Variants in TCF4 observed in about 807,000 individuals in gnomAD.
TCF4 encodes transcription factor 4.
A neutral mutation model predicts 82.1 loss-of-function variants in TCF4; 3 were observed. That is an observed-to-expected ratio of 0.04 (90% confidence interval 0.02 to 0.09). The LOEUF (loss-of-function observed/expected upper bound fraction) is 0.09, where lower values mean the gene tolerates loss of function less well. Among genes scored for constraint, TCF4 ranks in the 10% least tolerant of loss-of-function variants. TCF4 has a pLI of 1.00. For synonymous variants in TCF4, 276 were observed against 309.6 expected, an observed-to-expected ratio of 0.89 and a Z score of 1.14; for missense variants, 518 against 852.7, an observed-to-expected ratio of 0.61 and a Z score of 4.89.
intron 8 of TCF4, among the ~76,000 whole-genome samples, chr18:55,290,626 C>T (rs1260659964): frequency 1.3e-5 from 2 of 152,106 alleles, no homozygotes; most frequent in Admixed American, 6.6e-5. Context: ...ACCCTAAAGG[C>T]GCTCTTCTTA....
chr18:55,334,067 G>GCCC (rs2078133251), intron 8 of TCF4, among the ~76,000 whole-genome samples: 1 of 151,978 alleles, frequency 6.6e-6, no homozygotes, highest in Admixed American at 6.6e-5. Flanking sequence ...ACACAGCAAT[G>GCCC]AACAAGGACT....
At chr18:55,500,999 A>G (rs1223915523) in intron 3 of TCF4, among the ~76,000 whole-genome samples, 1 of 152,238 alleles carries the variant, frequency 6.6e-6, no homozygotes, top group East Asian at 1.9e-4. Flanking sequence ...ATGTATAATG[A>G]TGATGATTAT....
chr18:55,549,959 T>C (rs2097245388), intron 3 of TCF4, among the ~76,000 whole-genome samples: 1 of 152,210 alleles, frequency 6.6e-6, no homozygotes, highest in Non-Finnish European at 1.5e-5. Context: ...CAATAAATCA[T>C]GCCCTTGCCT....
At chr18:55,365,922 C>T (rs540331699) in intron 6 of TCF4, among the ~76,000 whole-genome samples, 1 of 151,324 alleles carries the variant, frequency 6.6e-6, no homozygotes, top group African/African-American at 2.4e-5. Flanking sequence ...ACAACAACAA[C>T]AAAAAAACTA....
intron 5 of TCF4, among the ~76,000 whole-genome samples, chr18:55,444,133 A>G (rs2095486821): frequency 6.6e-6 from 1 of 152,194 alleles, no homozygotes; most frequent in Admixed American, 6.5e-5. Flanking sequence ...ACCAAAACCA[A>G]CATGAAGAAA....
Position 55,403,872 on chromosome 18 carries a change from G to A in TCF4, c.305-354C>T, listed in dbSNP as rs190934711. On this transcript the variant is annotated intron_variant, in intron 5 of 19. Transcript: ENST00000354452. ...TTTACACAGCAGGCAAATTATCTAT[G>A]TAATGACCCTAGCCTAGTAATTCCC... 36 of 1,460,630 alleles carry A rather than the reference G, an allele frequency of 2.5e-5. 1 individual carries two copies. Among genetic ancestry groups the A allele is most frequent in the Admixed American group, 7.3e-5 (3 of 41,080 alleles). The allele number at this position is 1,460,630 out of a possible 1,614,324, so 90.5% of individuals were successfully genotyped here. A position where few individuals can be genotyped will look rare whatever the true frequency, so the allele number is the denominator to read the frequency against.
intron 3 of TCF4, among the ~76,000 whole-genome samples, chr18:55,480,856 C>T (rs1280016761): frequency 4.6e-5 from 7 of 152,154 alleles, no homozygotes. Flanking sequence ...GTAATCCCAA[C>T]ACTTCGGGAG....
At chr18:55,487,750 T>C (rs1443169676) in intron 3 of TCF4, among the ~76,000 whole-genome samples, 1 of 152,078 alleles carries the variant, frequency 6.6e-6, no homozygotes, top group Non-Finnish European at 1.5e-5. Flanking sequence ...ATTTGAAGCA[T>C]AAAAATTTCT....
intron 15 of TCF4, among the ~76,000 whole-genome samples, chr18:55,244,109 C>T (rs1459022477): frequency 1.3e-5 from 2 of 152,158 alleles, no homozygotes; most frequent in Non-Finnish European, 2.9e-5. Context: ...TGCTAATAAC[C>T]TCCAGCTCCC....
At chr18:55,543,714 C>T (rs866876427) in intron 3 of TCF4, among the ~76,000 whole-genome samples, 49 of 152,238 alleles carry the variant, frequency 3.2e-4, no homozygotes, top group African/African-American at 1.1e-3. Flanking sequence ...AAACTAACTG[C>T]TTTTATTCTC....
At chr18:55,234,156 T>C (rs2048690365) in intron 16 of TCF4, among the ~76,000 whole-genome samples, 1 of 152,138 alleles carries the variant, frequency 6.6e-6, no homozygotes, top group African/African-American at 2.4e-5. Flanking sequence ...TGCACCTATA[T>C]TTCCTTCCAT....
At chr18:55,401,983 G>C (rs1440216102) in intron 6 of TCF4, 1 of 966,374 alleles carries the variant, frequency 1.0e-6, no homozygotes, top group Non-Finnish European at 1.2e-6. Flanking sequence ...CAGGAACTGA[G>C]AGCTTTACAC....
At chr18:55,431,366 G>A (rs1484508500) in intron 5 of TCF4, among the ~76,000 whole-genome samples, 4 of 152,068 alleles carry the variant, frequency 2.6e-5, no homozygotes, top group Admixed American at 6.5e-5. Context: ...TGCAACCTCC[G>A]CCTTCCGGGT....
chr18:55,312,244 T>C (rs1047091329), intron 8 of TCF4, among the ~76,000 whole-genome samples: 1 of 152,186 alleles, frequency 6.6e-6, no homozygotes, highest in Non-Finnish European at 1.5e-5. Context: ...CTAATACGGA[T>C]TATCCTGAAA....
chr18:55,512,136 G>T (rs1339952961), intron 3 of TCF4, among the ~76,000 whole-genome samples: 1 of 152,088 alleles, frequency 6.6e-6, no homozygotes, highest in Non-Finnish European at 1.5e-5. Context: ...TTCCTAGATA[G>T]CAACTTGGCA....
At position 55,351,389 on chromosome 18, in the gene TCF4, C is replaced by G. The variant is rs554726405; in HGVS notation, c.370-386G>C. On this transcript the variant is annotated intron_variant, in intron 6 of 19. Coordinates refer to ENST00000354452, the MANE Select transcript of TCF4 (RefSeq NM_001083962.2). ...AACAAGAAGAACCTCATTTTGTGAACGCACACAACTTCCCCTGGCTGCATA... is the reference window on the plus strand; with the variant it reads ...AACAAGAAGAACCTCATTTTGTGAAGGCACACAACTTCCCCTGGCTGCATA... 13 of 234,522 alleles carry G rather than the reference C, an allele frequency of 5.5e-5. No individual in the cohort carries two copies. In the South Asian group the frequency reaches 6.8e-4, roughly 12 times the overall value. The allele number at this position is 234,522 out of a possible 1,614,324, so 14.5% of individuals were successfully genotyped here. A position where few individuals can be genotyped will look rare whatever the true frequency, so the allele number is the denominator to read the frequency against.
chr18:55,549,016 T>C (rs2097233339), intron 3 of TCF4, among the ~76,000 whole-genome samples: 1 of 152,080 alleles, frequency 6.6e-6, no homozygotes, highest in Admixed American at 6.5e-5. Flanking sequence ...TTTTTCTTTC[T>C]TTGGACAGGC....
chr18:55,280,089 T>G (rs1471831241), intron 8 of TCF4, among the ~76,000 whole-genome samples: 1 of 152,070 alleles, frequency 6.6e-6, no homozygotes, highest in Non-Finnish European at 1.5e-5. Context: ...AAATTTTCAC[T>G]TTTACAGAGA....
At chr18:55,254,383 A>T in intron 15 of TCF4, 114 bp downstream of exon 15, 1 of 992,184 alleles carries the variant, frequency 1.0e-6, no homozygotes, top group Non-Finnish European at 1.5e-6. Flanking sequence ...ATCGTATGTT[A>T]AGTGAATTAT....
Sources: gnomAD v4.1 joint callset for allele counts (sites outside exome capture counted in the v4.1 genomes callset) on GRCh38, gnomAD v4.1.1 for gene constraint, MANE v1.5 for transcripts, NCBI Gene and HGNC (gene_info 2026-07-23, HGNC 2026-07-21) for gene names.